Variants in GSE1 observed in about 807,000 individuals in gnomAD.
The protein encoded by GSE1 is genetic suppressor element 1.
In GSE1, 32 loss-of-function variants were observed where a neutral mutation model predicts 112.6. The observed-to-expected ratio is 0.28, with a 90% confidence interval of 0.21 to 0.38. The LOEUF is 0.38. GSE1 is among the 10% of genes least tolerant of loss of function. The probability of loss-of-function intolerance (pLI) is 1.00; values close to 1 mark genes in which losing one functional copy is unlikely to be tolerated. For synonymous variants in GSE1, 1,115 were observed against 735.6 expected, an observed-to-expected ratio of 1.52 and a Z score of -8.35; for missense variants, 2,348 against 1,699.2, an observed-to-expected ratio of 1.38 and a Z score of -6.71.
rs997151009 is a variant in GSE1, at chr16:85,648,717, C to T, written c.392C>T (p.Thr131Ile). The change falls in exon 3 of 16, where the codon ACC becomes ATC. Residue 131 changes from threonine to isoleucine, a missense_variant. Thr to Ile is a moderately conservative substitution (Grantham distance 89). Transcript: ENST00000253458. ...PPVVTIAPTKTVNGVWRSESR... is the reference protein window; with the variant it reads ...PPVVTIAPTKIVNGVWRSESR... ...GTGGTGACCATCGCTCCAACCAAAA[C>T]CGTGAATGGTGTCTGGAGGAGTGAG... is the stretch of plus-strand genomic sequence containing the variant. 1.2e-6 allele frequency: 2 copies of T among 1,606,942 alleles called. No homozygotes were observed. The highest frequency in any genetic ancestry group is 2.3e-5 in the East Asian group (1 of 44,170).
Position 85,196,755 on chromosome 16 carries a change from C to T in GSE1, c.2283+24948C>T, listed in dbSNP as rs547892438. ...GTGTTGGGAGGGAGTCCCATTAGGCCCTGTGTTTAGACCGCATGTTTAGAC... is the reference window on the plus strand; with the variant it reads ...GTGTTGGGAGGGAGTCCCATTAGGCTCTGTGTTTAGACCGCATGTTTAGAC... On this transcript the variant is annotated intron_variant, in intron 1 of 2. Coordinates refer to the GSE1 transcript ENST00000637419. Among the ~76,000 whole-genome samples the T allele has an allele frequency of 4.6e-5, 7 of 152,172 alleles. No individual in the cohort carries two copies. The South Asian group carries it at 1.5e-3, about 32-fold the overall frequency.
chr16:85,521,489 A>G (rs79163275), intron 2 of GSE1, among the ~76,000 whole-genome samples: 3,535 of 152,294 alleles, frequency 0.023, 71 homozygotes, highest in South Asian at 0.1. Context: ...GCGGGCATCA[A>G]TAGGCCAGGG....
At chr16:85,209,049 T>C (rs113067161) in intron 1 of GSE1, among the ~76,000 whole-genome samples, 2 of 148,436 alleles carry the variant, frequency 1.3e-5, no homozygotes, top group African/African-American at 5.0e-5. Flanking sequence ...GGTTTGCCAC[T>C]TGTTGGGGTT....
At chr16:85,637,285 C>T (rs758131039) in intron 2 of GSE1, among the ~76,000 whole-genome samples, 5 of 152,332 alleles carry the variant, frequency 3.3e-5, no homozygotes, top group Non-Finnish European at 5.9e-5. Flanking sequence ...GGACCCTGAG[C>T]GTGACATCTC....
chr16:85,331,585 A>G (rs1484527763), intron 1 of GSE1, among the ~76,000 whole-genome samples: 11 of 134,328 alleles, frequency 8.2e-5, no homozygotes, highest in Non-Finnish European at 1.6e-4. Context: ...GTACATGTGT[A>G]TATATGTGTA....
At chr16:85,540,561 T>C (rs1263612020) in intron 2 of GSE1, among the ~76,000 whole-genome samples, 2 of 152,232 alleles carry the variant, frequency 1.3e-5, no homozygotes, top group African/African-American at 4.8e-5. Context: ...CTAGGTCAGC[T>C]TGAGGATTTC....
chr16:85,434,339 A>C (rs149615692), intron 2 of GSE1, among the ~76,000 whole-genome samples: 6,034 of 104,106 alleles, frequency 0.058, 205 homozygotes, highest in Middle Eastern at 0.11. Flanking sequence ...TAATAATAAT[A>C]ATAATAATCA....
chr16:85,435,671 G>A (rs1208655155), intron 2 of GSE1, among the ~76,000 whole-genome samples: 1 of 152,146 alleles, frequency 6.6e-6, no homozygotes, highest in Non-Finnish European at 1.5e-5. Context: ...GGGAGAGGGA[G>A]AGACGGTGTA....
intron 1 of GSE1, among the ~76,000 whole-genome samples, chr16:85,237,286 G>A (rs1045832053): frequency 6.6e-6 from 1 of 152,084 alleles, no homozygotes; most frequent in African/African-American, 2.4e-5. Flanking sequence ...TCGCGCCACT[G>A]CACTCCAGCC....
chr16:85,324,977 G>A (rs919705858), intron 1 of GSE1, among the ~76,000 whole-genome samples: 17 of 151,722 alleles, frequency 1.1e-4, no homozygotes, highest in African/African-American at 3.6e-4. Flanking sequence ...ATTTTTATCC[G>A]TTTTTTTTGA....
chr16:85,185,704 G>A (rs540702823), intron 1 of GSE1, among the ~76,000 whole-genome samples: 2 of 152,244 alleles, frequency 1.3e-5, no homozygotes, highest in South Asian at 4.1e-4. Context: ...GGTCTGTGTG[G>A]GCTTTTGGGA....
At chr16:85,620,744 C>G (rs1411858810) in intron 1 of GSE1, among the ~76,000 whole-genome samples, 3 of 152,236 alleles carry the variant, frequency 2.0e-5, no homozygotes, top group Non-Finnish European at 1.5e-5. Context: ...CCTTGGGTCT[C>G]TGCACTGTTC....
At chr16:85,260,609 C>T (rs554148337) in intron 1 of GSE1, among the ~76,000 whole-genome samples, 2 of 152,162 alleles carry the variant, frequency 1.3e-5, no homozygotes, top group Non-Finnish European at 2.9e-5. Context: ...AGGCATGAGC[C>T]ACCGCACCCA....
intron 2 of GSE1, among the ~76,000 whole-genome samples, chr16:85,478,927 CTCTT>C (rs371002413): frequency 0.017 from 486 of 27,920 alleles, 49 homozygotes; most frequent in East Asian, 0.056. Context: ...TTCTTTCTTT[CTCTT>C]TCTTTCTTTC....
At chr16:85,307,041 A>C (rs1054943140) in intron 1 of GSE1, among the ~76,000 whole-genome samples, 1 of 150,750 alleles carries the variant, frequency 6.6e-6, no homozygotes, top group African/African-American at 2.4e-5. Flanking sequence ...CAGGTTGGGA[A>C]GTGTCCACGA....
In GSE1 at chr16:85,670,998, A is replaced by G. The variant is rs1391667976; in HGVS notation, c.3419A>G (p.Gln1140Arg). 5.0e-6 allele frequency: 8 copies of G among 1,604,448 alleles called. No homozygotes were observed. The South Asian group carries it at 8.8e-5, about 18-fold the overall frequency. The change falls in exon 15 of 16, where the codon CAA becomes CGA. Residue 1140 changes from glutamine (Q) to arginine (R), a missense_variant. Gln to Arg is a conservative substitution (Grantham distance 43). Coordinates refer to ENST00000253458, the MANE Select transcript of GSE1 (RefSeq NM_014615.5). Reference sequence around the variant, plus strand: ...TCACCATCTCCTGTCTTTTCAGAGCAAAATCTGGAGCGGCAGGTGTTACAG... The same window carrying G: ...TCACCATCTCCTGTCTTTTCAGAGCGAAATCTGGAGCGGCAGGTGTTACAG... ...FEAYQEHIEE[Q>R]NLERQVLQTQ...
chr16:85,566,251 G>C (rs2045742188), intron 1 of GSE1, among the ~76,000 whole-genome samples: 1 of 152,214 alleles, frequency 6.6e-6, no homozygotes. Context: ...TGGGAGACCT[G>C]GCCAAGTCAC....
chr16:85,425,372 G>A (rs532163342), intron 2 of GSE1, among the ~76,000 whole-genome samples: 55 of 151,904 alleles, frequency 3.6e-4, no homozygotes, highest in Non-Finnish European at 6.3e-4. Context: ...TGGAGTTGCT[G>A]GACCCAGAGG....
chr16:85,359,535 G>C (rs1052973355), intron 2 of GSE1: 2 of 394,658 alleles, frequency 5.1e-6, no homozygotes, highest in African/African-American at 4.1e-5. Context: ...CTAATAGTAG[G>C]TGTTGGTAGA....
Sources: allele counts gnomAD v4.1 joint callset (sites outside exome capture counted in the v4.1 genomes callset), GRCh38; gene constraint gnomAD v4.1.1; transcripts MANE v1.5; gene names NCBI Gene and HGNC (gene_info 2026-07-23, HGNC 2026-07-21).